GRIP1: variants seen among roughly 807,000 people sequenced by gnomAD.
GRIP1 encodes the protein glutamate receptor-interacting protein 1.
Under a neutral mutation model 129.9 loss-of-function variants are expected in GRIP1, and 45 were observed. The observed-to-expected ratio is 0.35, with a 90% confidence interval of 0.27 to 0.44. GRIP1 has a LOEUF of 0.44. GRIP1 is among the 20% of genes least tolerant of loss of function. GRIP1 has a pLI of 1.00. For synonymous variants in GRIP1, 530 were observed against 520.8 expected (o/e 1.02, Z -0.24); for missense variants, 1,196 against 1,396.8 (o/e 0.86, Z 2.29).
intron 1 of GRIP1, among the ~76,000 whole-genome samples, chr12:66,972,588 G>C (rs2042090059): frequency 6.6e-6 from 1 of 152,066 alleles, no homozygotes; most frequent in Non-Finnish European, 1.5e-5. Flanking sequence ...TACAGTGGTG[G>C]ACCACCTAGC....
rs1178506468 is a variant in GRIP1, at chr12:66,525,255, G to C, written c.502+4576C>G. ...AAGAGAATTTTAGACCAATATGCTT[G>C]ATGAACATTGATGCAAAAATCCTCA... On this transcript the variant is annotated intron_variant, in intron 5 of 24. Coordinates refer to ENST00000359742, the MANE Select transcript of GRIP1 (RefSeq NM_001366722.1). Among the ~76,000 whole-genome samples, 4 of 152,182 alleles carry C rather than the reference G, an allele frequency of 2.6e-5. No individual in the cohort carries two copies. In the South Asian group the frequency reaches 6.2e-4, roughly 24 times the overall value.
chr12:67,017,419 G>A (rs985693463), intron 1 of GRIP1, among the ~76,000 whole-genome samples: 16 of 151,986 alleles, frequency 1.1e-4, no homozygotes, highest in Non-Finnish European at 2.2e-4. Flanking sequence ...GTATTTTAAT[G>A]GGTGGAGAAT....
rs114974267 is a variant in GRIP1 at position 66,406,955 on chromosome 12, G to T, written c.1839-527C>A. On this transcript the variant is annotated intron_variant, in intron 15 of 24. Coordinates refer to ENST00000359742, the MANE Select transcript of GRIP1 (RefSeq NM_001366722.1). ...AGATGAATCCATAGCTTCTTATTTGGAAAGTGGCCACTGAGACTCTAAAAC... is the reference window on the plus strand; with the variant it reads ...AGATGAATCCATAGCTTCTTATTTGTAAAGTGGCCACTGAGACTCTAAAAC... Among the ~76,000 whole-genome samples, 1,023 of 152,200 alleles carry T rather than the reference G, an allele frequency of 6.7e-3. 12 individuals carry two copies. Among genetic ancestry groups the T allele is most frequent in the African/African-American group, 0.024 (983 of 41,512 alleles).
intron 1 of GRIP1, among the ~76,000 whole-genome samples, chr12:66,673,852 G>T (rs2034199725): frequency 6.6e-6 from 1 of 152,148 alleles, no homozygotes; most frequent in African/African-American, 2.4e-5. Flanking sequence ...CCTAGCAATA[G>T]ATGAAACTCC....
At chr12:66,478,916 T>A (rs2138526140) in intron 7 of GRIP1, among the ~76,000 whole-genome samples, 1 of 152,046 alleles carries the variant, frequency 6.6e-6, no homozygotes, top group South Asian at 2.1e-4. Context: ...CATTAGGAAA[T>A]ATACCTAGTG....
intron 3 of GRIP1, among the ~76,000 whole-genome samples, chr12:66,541,042 T>C (rs2061764936): frequency 2.0e-5 from 3 of 152,052 alleles, no homozygotes; most frequent in Non-Finnish European, 1.5e-5. Context: ...CTCGAACTCC[T>C]GACCTCAGGT....
At chr12:66,549,354 C>G (rs1340822007) in intron 2 of GRIP1, among the ~76,000 whole-genome samples, 1 of 152,120 alleles carries the variant, frequency 6.6e-6, no homozygotes, top group African/African-American at 2.4e-5. Flanking sequence ...CCTAAGCTTA[C>G]TTGGTTGATT....
At chr12:66,663,262 T>C (rs1169213236) in intron 1 of GRIP1, among the ~76,000 whole-genome samples, 1 of 152,182 alleles carries the variant, frequency 6.6e-6, no homozygotes, top group Non-Finnish European at 1.5e-5. Flanking sequence ...TATTCTCTAA[T>C]ATATAAATAA....
intron 1 of GRIP1, among the ~76,000 whole-genome samples, chr12:66,979,093 G>A (rs2042197303): frequency 6.6e-6 from 1 of 151,788 alleles, no homozygotes; most frequent in Non-Finnish European, 1.5e-5. Flanking sequence ...TCCCATGTGT[G>A]ACCTTTTTGA....
At chr12:66,566,691 A>G (rs900081742) in intron 2 of GRIP1, among the ~76,000 whole-genome samples, 2 of 152,184 alleles carry the variant, frequency 1.3e-5, no homozygotes, top group African/African-American at 4.8e-5. Context: ...TAGTTTCAGA[A>G]GGAATGGTAC....
intron 1 of GRIP1, among the ~76,000 whole-genome samples, chr12:66,803,532 C>T (rs536406074): frequency 3.8e-4 from 58 of 152,274 alleles, no homozygotes; most frequent in African/African-American, 1.4e-3. Context: ...AAGAATTAAC[C>T]TTATTTAATA....
chr12:66,432,547 C>T lies in GRIP1; in HGVS notation c.1768+1G>A. 6.5e-7 allele frequency: 1 copy of T among 1,543,966 alleles called. No homozygotes were observed. Among genetic ancestry groups the T allele is most frequent in the Non-Finnish European group, 8.9e-7 (1 of 1,117,826 alleles). On this transcript the variant is annotated splice_donor_variant, in intron 14 of 24. Coordinates refer to ENST00000359742, the MANE Select transcript of GRIP1 (RefSeq NM_001366722.1). LOFTEE classifies it high-confidence loss of function. The stretch of plus-strand genomic sequence containing the variant: ...ATTTAAAAGAAATAACTTCTACTTA[C>T]AACTTATGGTTATTCCAAGTTCCAC...
chr12:67,047,348 T>A (rs1255121403), intron 1 of GRIP1, among the ~76,000 whole-genome samples: 3 of 152,318 alleles, frequency 2.0e-5, no homozygotes, highest in Non-Finnish European at 2.9e-5. Context: ...AATGTTTTTT[T>A]AAAATTTATC....
intron 1 of GRIP1, among the ~76,000 whole-genome samples, chr12:66,967,578 T>C (rs1039615101): frequency 1.3e-5 from 2 of 152,146 alleles, no homozygotes; most frequent in East Asian, 1.9e-4. Context: ...GGTCTCACTA[T>C]GTTGTTCAGG....
intron 1 of GRIP1, among the ~76,000 whole-genome samples, chr12:67,038,449 T>A (rs529609052): frequency 6.6e-6 from 1 of 152,226 alleles, no homozygotes; most frequent in Non-Finnish European, 1.5e-5. Context: ...AGTTTCACAA[T>A]GTACATTGAT....
At position 67,005,283 on chromosome 12, in the gene GRIP1, T is replaced by C. The variant is rs543555462; in HGVS notation, c.58+63767A>G. On this transcript the variant is annotated intron_variant, in intron 1 of 1. Coordinates refer to the GRIP1 transcript ENST00000643019. ...CCATAGCTAATCTAAATTTGGAGCA[T>C]AGAAAAGGAACAATATAGTGGTAAC... is the stretch of plus-strand genomic sequence containing the variant. 8.5e-5 allele frequency among the ~76,000 whole-genome samples: 13 copies of C among 152,266 alleles called. No individual in the cohort carries two copies. In the East Asian group the frequency reaches 1.2e-3, roughly 14 times the overall value.
intron 1 of GRIP1, among the ~76,000 whole-genome samples, chr12:66,731,738 T>C (rs2036444309): frequency 6.6e-6 from 1 of 152,184 alleles, no homozygotes; most frequent in African/African-American, 2.4e-5. Flanking sequence ...AACTGTATAC[T>C]AAAAGTGGTT....
chr12:67,008,219 G>T (rs2042655662), intron 1 of GRIP1, among the ~76,000 whole-genome samples: 1 of 152,156 alleles, frequency 6.6e-6, no homozygotes. Flanking sequence ...CGAGGAAAAG[G>T]GGGTACTGCC....
intron 15 of GRIP1, among the ~76,000 whole-genome samples, chr12:66,416,342 T>C (rs776378924): frequency 6.6e-6 from 1 of 151,932 alleles, no homozygotes; most frequent in Non-Finnish European, 1.5e-5. Flanking sequence ...ACAATGCATC[T>C]TAAAGAATCA....
Sources: allele counts gnomAD v4.1 joint callset (sites outside exome capture counted in the v4.1 genomes callset), GRCh38; gene constraint gnomAD v4.1.1; transcripts MANE v1.5; gene names NCBI Gene and HGNC (gene_info 2026-07-23, HGNC 2026-07-21).